Variants in SGCZ observed in about 807,000 individuals in gnomAD.
The protein encoded by SGCZ is sarcoglycan zeta.
SGCZ carries 40 observed loss-of-function variants against 41.3 expected under a neutral mutation model. That is an observed-to-expected ratio of 0.97 (90% confidence interval 0.75 to 1.26). SGCZ has a LOEUF of 1.26. SGCZ is among the 50% of genes most tolerant of loss of function. The pLI, the probability that SGCZ is intolerant of heterozygous loss-of-function variation, is 0.00. For missense variants in SGCZ, 552 were observed against 369.8 expected (o/e 1.49, Z -4.04); for synonymous variants, 206 against 137.5 (o/e 1.50, Z -3.49).
rs142372217 is a variant in SGCZ at position 14,685,200 on chromosome 8, G to A, written c.40-130274C>T. On this transcript the variant is annotated intron_variant, in intron 1 of 7. Coordinates refer to ENST00000382080, the MANE Select transcript of SGCZ (RefSeq NM_139167.4). ...TATGTTCTGCTTGTATTTCATGATGGAGCAGTTATTTGCACCTGGAATAAT... is the reference window on the plus strand; with the variant it reads ...TATGTTCTGCTTGTATTTCATGATGAAGCAGTTATTTGCACCTGGAATAAT... Among the ~76,000 whole-genome samples, 3 of 152,108 alleles carry A rather than the reference G, an allele frequency of 2.0e-5. No homozygotes were observed. The East Asian group carries it at 5.8e-4, about 29-fold the overall frequency.
intron 5 of SGCZ, among the ~76,000 whole-genome samples, chr8:14,143,123 A>T (rs1490798860): frequency 6.6e-6 from 1 of 152,148 alleles, no homozygotes; most frequent in Non-Finnish European, 1.5e-5. Flanking sequence ...CAATTCAAAT[A>T]ATAAAAATAT....
Position 15,238,267 on chromosome 8 carries a change from G to GA in SGCZ, c.-645dup. On this transcript the variant is annotated 5_prime_UTR_variant, in exon 1 of 8. Coordinates refer to ENST00000382080, the MANE Select transcript of SGCZ (RefSeq NM_139167.4). ...AAGTCAGAAGGGAACGTTCTCCTTT[G>GA]AAGGTTATGCTAAAAGAGTTGAGGG... The GA allele has an allele frequency of 6.6e-6, 1 of 152,332 alleles. No homozygotes were observed. The highest frequency in any genetic ancestry group is 2.1e-4 in the South Asian group (1 of 4,826). 9.4% of individuals were successfully genotyped at this position (152,332 alleles called of 1,614,324 possible).
chr8:15,219,062 A>G lies in SGCZ; in HGVS notation c.39+18523T>C, dbSNP rs534011932. Among the ~76,000 whole-genome samples, 28 of 152,316 alleles carry G rather than the reference A, an allele frequency of 1.8e-4. No homozygotes were observed. In the South Asian group the frequency reaches 5.8e-3, roughly 32 times the overall value. On this transcript the variant is annotated intron_variant, in intron 1 of 7. Coordinates refer to ENST00000382080, the MANE Select transcript of SGCZ (RefSeq NM_139167.4). ...ATCGTTTTACCCTGCACTCTCCACG[A>G]TTAGGAAGATAAAGAGCTTTTCTAC...
chr8:14,201,425 C>G (rs1350211686), intron 4 of SGCZ, among the ~76,000 whole-genome samples: 3 of 152,070 alleles, frequency 2.0e-5, no homozygotes, highest in African/African-American at 7.2e-5. Flanking sequence ...TACATCCATG[C>G]AACAGAATAC....
At chr8:15,053,913 C>T (rs1047427379) in intron 1 of SGCZ, among the ~76,000 whole-genome samples, 7 of 152,074 alleles carry the variant, frequency 4.6e-5, no homozygotes, top group African/African-American at 1.7e-4. Flanking sequence ...ACCCAAAATC[C>T]CCCATTCTTA....
At chr8:14,784,528 G>T (rs111953253) in intron 1 of SGCZ, among the ~76,000 whole-genome samples, 1 of 152,056 alleles carries the variant, frequency 6.6e-6, no homozygotes, top group Non-Finnish European at 1.5e-5. Context: ...TGAACTGGTA[G>T]TACCATTACT....
At chr8:14,300,585 C>T (rs1196253379) in intron 3 of SGCZ, among the ~76,000 whole-genome samples, 1 of 151,840 alleles carries the variant, frequency 6.6e-6, no homozygotes, top group Non-Finnish European at 1.5e-5. Context: ...GATTAAATAG[C>T]ATGACATAGG....
intron 2 of SGCZ, among the ~76,000 whole-genome samples, chr8:14,408,980 C>T (rs13276712): frequency 0.042 from 6,223 of 147,982 alleles, 203 homozygotes; most frequent in Admixed American, 0.1. Flanking sequence ...TGCATGTGTG[C>T]GTGTGTGTGT....
chr8:15,102,567 C>G (rs935724488), intron 1 of SGCZ, among the ~76,000 whole-genome samples: 1 of 152,088 alleles, frequency 6.6e-6, no homozygotes, highest in South Asian at 2.1e-4. Context: ...ATATAACAAG[C>G]ATACCACGCT....
chr8:14,722,185 T>C lies in SGCZ; in HGVS notation c.40-167259A>G, dbSNP rs370148460. 3.3e-5 allele frequency among the ~76,000 whole-genome samples: 5 copies of C among 152,322 alleles called. No homozygotes were observed. The East Asian group carries it at 7.7e-4, about 23-fold the overall frequency. On this transcript the variant is annotated intron_variant, in intron 1 of 7. Transcript: ENST00000382080. ...TCATTTTTCTATTTTATTATTTCTC[T>C]CTACCTCTAGAATTAAACCACATGA...
At chr8:15,175,885 A>G (rs1473678198) in intron 1 of SGCZ, among the ~76,000 whole-genome samples, 1 of 152,140 alleles carries the variant, frequency 6.6e-6, no homozygotes, top group Non-Finnish European at 1.5e-5. Context: ...GAGAAGACTC[A>G]TGTTAGGAAC....
intron 2 of SGCZ, among the ~76,000 whole-genome samples, chr8:14,525,302 C>G (rs1204164495): frequency 1.3e-5 from 2 of 152,178 alleles, no homozygotes; most frequent in East Asian, 3.9e-4. Context: ...GCTCCCTGCT[C>G]TTTGAGATAG....
intron 2 of SGCZ, among the ~76,000 whole-genome samples, chr8:14,350,398 G>A (rs1420218808): frequency 2.6e-5 from 4 of 152,052 alleles, no homozygotes; most frequent in Non-Finnish European, 5.9e-5. Flanking sequence ...GCTTGGAGTT[G>A]TATTGAATAC....
At chr8:15,217,291 C>CCTA (rs1801436803) in intron 1 of SGCZ, among the ~76,000 whole-genome samples, 4 of 151,524 alleles carry the variant, frequency 2.6e-5, no homozygotes, top group Non-Finnish European at 5.9e-5. Flanking sequence ...TTGGCGGGCG[C>CCTA]CTGTAGTCCC....
chr8:14,266,486 C>G (rs979890010), intron 3 of SGCZ, among the ~76,000 whole-genome samples: 1 of 151,950 alleles, frequency 6.6e-6, no homozygotes, highest in Non-Finnish European at 1.5e-5. Flanking sequence ...TAGGAATTAG[C>G]CAGGTAGGGA....
chr8:14,547,645 C>G (rs750557821), intron 2 of SGCZ, among the ~76,000 whole-genome samples: 1 of 152,110 alleles, frequency 6.6e-6, no homozygotes, highest in African/African-American at 2.4e-5. Flanking sequence ...TAAGTGTTCA[C>G]TCACTTAATG....
chr8:14,712,319 T>C (rs1038114380), intron 1 of SGCZ, among the ~76,000 whole-genome samples: 1 of 152,248 alleles, frequency 6.6e-6, no homozygotes, highest in Non-Finnish European at 1.5e-5. Flanking sequence ...TCTACTCAAG[T>C]AAACTTCGCA....
chr8:14,138,705 C>A (rs1803276845), intron 5 of SGCZ, among the ~76,000 whole-genome samples: 1 of 152,132 alleles, frequency 6.6e-6, no homozygotes, highest in Non-Finnish European at 1.5e-5. Context: ...TTCTTACACA[C>A]CTACAAAGAA....
intron 5 of SGCZ, among the ~76,000 whole-genome samples, chr8:14,146,314 T>C (rs1337464838): frequency 6.6e-6 from 1 of 152,098 alleles, no homozygotes; most frequent in East Asian, 1.9e-4. Flanking sequence ...AAAAAAATGG[T>C]TACCCTAGAA....
Sources: allele counts gnomAD v4.1 joint callset (sites outside exome capture counted in the v4.1 genomes callset), GRCh38; gene constraint gnomAD v4.1.1; transcripts MANE v1.5; gene names NCBI Gene and HGNC (gene_info 2026-07-23, HGNC 2026-07-21).